MORC1: variants seen among roughly 807,000 people sequenced by gnomAD.
The protein encoded by MORC1 is MORC family CW-type zinc finger protein 1.
In MORC1, 59 loss-of-function variants were observed where a neutral mutation model predicts 134.9. That is an observed-to-expected ratio of 0.44 (90% CI 0.35 to 0.54). The LOEUF (loss-of-function observed/expected upper bound fraction) is 0.54, where lower values mean the gene tolerates loss of function less well. MORC1 is among the 20% of genes least tolerant of loss of function. The pLI is 0.00. For synonymous variants in MORC1, 395 were observed against 391.7 expected (o/e 1.01, Z -0.10); for missense variants, 947 against 1,134.5 (o/e 0.83, Z 2.37).
chr3:109,048,510 T>A (rs577400453), intron 14 of MORC1, among the ~76,000 whole-genome samples: 2 of 152,320 alleles, frequency 1.3e-5, no homozygotes, highest in South Asian at 4.1e-4. Flanking sequence ...ATTATAATAT[T>A]CTCTTTAATT....
chr3:109,017,151 T>C (rs772745414), intron 17 of MORC1, among the ~76,000 whole-genome samples: 6 of 131,486 alleles, frequency 4.6e-5, no homozygotes, highest in Non-Finnish European at 6.6e-5. Context: ...CTGAAACTTA[T>C]CTTGCTGAGC....
At position 109,035,431 on chromosome 3, in the gene MORC1, T is replaced by G. The variant is rs780253921; in HGVS notation, c.1368A>C (p.Gly456=). The G allele has an allele frequency of 1.3e-6, 2 of 1,524,786 alleles. No homozygotes were observed. Among genetic ancestry groups the G allele is most frequent in the African/African-American group, 1.4e-5 (1 of 71,618 alleles). 94.5% of individuals were successfully genotyped at this position (1,524,786 alleles called of 1,614,324 possible). The change falls in exon 15 of 28, where the codon GGA becomes GGC. Residue 456 remains glycine, a synonymous_variant. Coordinates refer to ENST00000232603, the MANE Select transcript of MORC1 (RefSeq NM_014429.4). ...TCTCCACATCGATGTCATTCTGGTA[T>G]CCAAATTCATTGCAAAACAATGTTA... is the stretch of plus-strand genomic sequence containing the variant. The part of the protein sequence containing the change: ...RNLTLFCNEF[G]YQNDIDVEKP...
chr3:109,118,021 C>T lies in MORC1; in HGVS notation c.39G>A (p.Leu13=). ...DRYPALQRAQ[L]RLDFIHANST... ...AGTTGGCGTGGATGAAATCCAGACG[C>T]AGCTGGGCCCGCTGAAGCGCAGGGT... The change falls in exon 1 of 28, where the codon CTG becomes CTA. Residue 13 remains leucine, a synonymous_variant. Transcript: ENST00000232603. 2 of 1,609,254 alleles carry T rather than the reference C, an allele frequency of 1.2e-6. No individual in the cohort carries two copies. Among genetic ancestry groups the T allele is most frequent in the Non-Finnish European group, 1.7e-6 (2 of 1,178,204 alleles).
intron 12 of MORC1, among the ~76,000 whole-genome samples, chr3:109,058,251 C>T (rs1343970450): frequency 6.6e-6 from 1 of 152,090 alleles, no homozygotes; most frequent in Non-Finnish European, 1.5e-5. Flanking sequence ...ATGGATGGTG[C>T]CTCTTAAACT....
At position 109,015,421 on chromosome 3, in the gene MORC1, C is replaced by T. The variant is rs561473242; in HGVS notation, c.1705-8330G>A. On this transcript the variant is annotated intron_variant, in intron 17 of 27. Transcript: ENST00000232603. ...GTATCTTTAGTAAAGTGCACCATAT[C>T]CTTAAGAATGTTGGGTCTATTCCTC... 9.2e-5 allele frequency among the ~76,000 whole-genome samples: 14 copies of T among 152,222 alleles called. No homozygotes were observed. In the South Asian group the frequency reaches 2.1e-3, roughly 23 times the overall value.
intron 17 of MORC1, among the ~76,000 whole-genome samples, chr3:109,021,320 C>T (rs1400728567): frequency 6.6e-6 from 1 of 152,174 alleles, no homozygotes; most frequent in Non-Finnish European, 1.5e-5. Flanking sequence ...AAACCCAAAT[C>T]AGTATTCCCT....
chr3:109,117,667 T>G (rs976549708), intron 1 of MORC1, among the ~76,000 whole-genome samples: 10 of 152,214 alleles, frequency 6.6e-5, no homozygotes, highest in African/African-American at 2.2e-4. Flanking sequence ...AATGTTTAAA[T>G]TGTCAGTGTG....
intron 20 of MORC1, among the ~76,000 whole-genome samples, chr3:109,002,741 T>C (rs1276760759): frequency 6.6e-6 from 1 of 152,192 alleles, no homozygotes; most frequent in African/African-American, 2.4e-5. Context: ...CAATCTTTAC[T>C]AAAGAAAACT....
chr3:109,043,577 A>G (rs762950028), intron 14 of MORC1, among the ~76,000 whole-genome samples: 18 of 152,064 alleles, frequency 1.2e-4, no homozygotes, highest in Non-Finnish European at 2.2e-4. Flanking sequence ...TGTTATATGT[A>G]TTTCATCATA....
intron 8 of MORC1, among the ~76,000 whole-genome samples, chr3:109,088,289 A>T (rs989823588): frequency 2.6e-5 from 4 of 152,078 alleles, no homozygotes; most frequent in African/African-American, 9.7e-5. Flanking sequence ...TAAACAGACA[A>T]CCTACAGGAT....
chr3:109,111,050 T>TAAAAAA lies in MORC1; in HGVS notation c.120-273_120-268dup, dbSNP rs11344763. ...AAAAACTAACAAAATGGATATAATT[T>TAAAAAA]AAAAAAAAAAAAAAAAAACAAAAAA... On this transcript the variant is annotated intron_variant, in intron 2 of 27. Coordinates refer to ENST00000232603, the MANE Select transcript of MORC1 (RefSeq NM_014429.4). Among the ~76,000 whole-genome samples, 288 of 113,722 alleles carry TAAAAAA rather than the reference T, an allele frequency of 2.5e-3. 1 individual carries two copies. Among genetic ancestry groups the TAAAAAA allele is most frequent in the Middle Eastern group, 5.3e-3 (1 of 188 alleles). 74.6% of individuals were successfully genotyped at this position (113,722 alleles called of 152,430 possible).
chr3:109,091,446 AAAATAAAT>A (rs56865589), intron 8 of MORC1, among the ~76,000 whole-genome samples: 9 of 147,040 alleles, frequency 6.1e-5, no homozygotes, highest in South Asian at 4.4e-4. Flanking sequence ...TCCATCTAAA[AAAATAAAT>A]AAATAAATAA....
chr3:108,964,748 A>G (rs1947171465), intron 26 of MORC1, among the ~76,000 whole-genome samples: 1 of 152,194 alleles, frequency 6.6e-6, no homozygotes, highest in South Asian at 2.1e-4. Context: ...ATGAGATAAT[A>G]CAAATGTGCA....
intron 4 of MORC1, among the ~76,000 whole-genome samples, chr3:109,102,956 T>C (rs1057388729): frequency 1.2e-4 from 19 of 152,176 alleles, no homozygotes; most frequent in African/African-American, 3.9e-4. Context: ...TGAAACAGTC[T>C]TTCTAAACTT....
chr3:109,036,213 C>T (rs945167889), intron 14 of MORC1, among the ~76,000 whole-genome samples: 9 of 151,970 alleles, frequency 5.9e-5, no homozygotes, highest in South Asian at 2.1e-4. Context: ...ACCTTTAAAA[C>T]GGAGGAAGTA....
intron 6 of MORC1, among the ~76,000 whole-genome samples, chr3:109,095,952 A>G (rs970893357): frequency 1.3e-5 from 2 of 152,202 alleles, no homozygotes; most frequent in African/African-American, 4.8e-5. Context: ...AGTATTCAGG[A>G]GTAACGGCCA....
At position 109,107,723 on chromosome 3, in the gene MORC1, T is replaced by C. The variant is rs1031679892; in HGVS notation, c.154+3026A>G. 2.6e-5 allele frequency among the ~76,000 whole-genome samples: 4 copies of C among 152,354 alleles called. No individual in the cohort carries two copies. The South Asian group carries it at 6.2e-4, about 24-fold the overall frequency. ...AATCCTATGTATTGATGCATAAGCA[T>C]TGTCCCTGCTTTTTTTATCCATTTT... On this transcript the variant is annotated intron_variant, in intron 3 of 27. Transcript: ENST00000232603.
At chr3:109,002,792 T>C (rs1948439127) in intron 20 of MORC1, among the ~76,000 whole-genome samples, 1 of 152,132 alleles carries the variant, frequency 6.6e-6, no homozygotes, top group African/African-American at 2.4e-5. Flanking sequence ...TTCAATGGTT[T>C]CCCATTACTT....
Position 109,078,790 on chromosome 3 carries a change from G to C in MORC1, c.690-9033C>G, listed in dbSNP as rs147849592. 5.1e-3 allele frequency among the ~76,000 whole-genome samples: 778 copies of C among 151,782 alleles called. 18 individuals are homozygous for C. Among genetic ancestry groups the C allele is most frequent in the African/African-American group, 0.018 (747 of 41,474 alleles). On this transcript the variant is annotated intron_variant, in intron 8 of 27. Transcript: ENST00000232603. ...TTCTTTGGCCAAGAAAGAGAGATGG[G>C]AGAATACATGATATAAGAAGAAAAA...
Sources: gnomAD v4.1 joint callset for allele counts (sites outside exome capture counted in the v4.1 genomes callset) on GRCh38, gnomAD v4.1.1 for gene constraint, MANE v1.5 for transcripts, NCBI Gene and HGNC (gene_info 2026-07-23, HGNC 2026-07-21) for gene names.